The following CAMK2G variants were observed in gnomAD, a reference collection of about 807,000 sequenced individuals.
CAMK2G encodes the protein calcium/calmodulin-dependent protein kinase type II subunit gamma.
CAMK2G carries 23 observed loss-of-function variants against 88.7 expected under a neutral mutation model. That is an observed-to-expected ratio of 0.26 (90% CI 0.19 to 0.37). The LOEUF is 0.37. CAMK2G is among the 10% of genes least tolerant of loss of function. CAMK2G has a pLI of 1.00. For missense variants in CAMK2G, 476 were observed against 780.8 expected (o/e 0.61, Z 4.65); for synonymous variants, 263 against 294.8 (o/e 0.89, Z 1.11).
At chr10:73,819,736 C>A (rs2087141419) in intron 18 of CAMK2G, 91 bp from the exon 19 acceptor site, 2 of 785,394 alleles carry the variant, frequency 2.5e-6, no homozygotes, top group African/African-American at 1.7e-5. Context: ...AGACAGGCCC[C>A]GAGCCCATGG....
chr10:73,825,157 A>G (rs1217170005), intron 16 of CAMK2G, 122 bp downstream of exon 16: 14 of 755,926 alleles, frequency 1.9e-5, no homozygotes, highest in Non-Finnish European at 3.4e-5. Context: ...CAAAGCAGTC[A>G]GTTCTATGGG....
At chr10:73,837,339 G>T (rs2093345505) in intron 14 of CAMK2G, 129 bp downstream of exon 14, 1 of 798,814 alleles carries the variant, frequency 1.3e-6, no homozygotes, top group Admixed American at 1.7e-5. Context: ...GAGCACAAAG[G>T]CATCTGGTTT....
chr10:73,821,090 G>T (rs896968223), intron 18 of CAMK2G, among the ~76,000 whole-genome samples: 4 of 152,054 alleles, frequency 2.6e-5, no homozygotes, highest in Admixed American at 2.6e-4. Context: ...GATTACAGGT[G>T]TGAGTCACCG....
chr10:73,854,801 TC>T (rs1369005814), intron 3 of CAMK2G, among the ~76,000 whole-genome samples: 2 of 152,138 alleles, frequency 1.3e-5, no homozygotes, highest in Non-Finnish European at 2.9e-5. Context: ...CCCCTTGTTC[TC>T]CTCCCTTGAT....
At chr10:73,826,749 G>A (rs538270924) in intron 15 of CAMK2G, among the ~76,000 whole-genome samples, 5 of 152,268 alleles carry the variant, frequency 3.3e-5, no homozygotes, top group African/African-American at 1.2e-4. Context: ...TTCTCTCCTA[G>A]GACATACACA....
intron 14 of CAMK2G, chr10:73,837,234 G>T: frequency 1.7e-6 from 1 of 574,100 alleles, no homozygotes; most frequent in Non-Finnish European, 3.1e-6. Flanking sequence ...TATAAACTAT[G>T]ATTTGGATCA....
chr10:73,817,825 G>A, intron 19 of CAMK2G: 1 of 521,114 alleles, frequency 1.9e-6, no homozygotes, highest in Non-Finnish European at 3.5e-6. Flanking sequence ...CAACCAGGTT[G>A]CAGAAAACAC....
chr10:73,873,210 C>T, intron 1 of CAMK2G, 127 bp from the exon 2 acceptor site: 2 of 952,456 alleles, frequency 2.1e-6, no homozygotes, highest in South Asian at 1.4e-5. Flanking sequence ...CATGCACACA[C>T]ACCGGCGCTG....
intron 14 of CAMK2G, among the ~76,000 whole-genome samples, chr10:73,830,927 G>A (rs901247646): frequency 6.6e-6 from 1 of 152,226 alleles, no homozygotes; most frequent in African/African-American, 2.4e-5. Flanking sequence ...GAGGAAGGGG[G>A]AGTTGGGAAG....
rs1268660455 is a variant in CAMK2G, at chr10:73,812,518, T to C, written c.*2000A>G. The C allele has an allele frequency of 6.6e-6, 1 of 152,620 alleles. No individual in the cohort carries two copies. Among genetic ancestry groups the C allele is most frequent in the Non-Finnish European group, 1.5e-5 (1 of 68,046 alleles). The allele number at this position is 152,620 out of a possible 1,614,324, so 9.5% of individuals were successfully genotyped here. ...ACACAATGGACTGTTTAAAGGTTAT[T>C]TTATTAAATATTTTCAGTTCAAGGT... On this transcript the variant is annotated 3_prime_UTR_variant, in exon 23 of 23. Coordinates refer to ENST00000423381, the MANE Select transcript of CAMK2G (RefSeq NM_001367534.1).
Position 73,873,091 on chromosome 10 carries a change from G to A in CAMK2G, c.66-8C>T. 6.3e-7 allele frequency: 1 copy of A among 1,593,782 alleles called. No individual in the cohort carries two copies. Among genetic ancestry groups the A allele is most frequent in the South Asian group, 1.1e-5 (1 of 90,722 alleles). Reference sequence around the variant, plus strand: ...ACCACAGAGAAAGCACCCCTGGAGGGAGAAGGGGAAAAGAACTGGGACACG... The same window carrying A: ...ACCACAGAGAAAGCACCCCTGGAGGAAGAAGGGGAAAAGAACTGGGACACG... On this transcript the variant is annotated splice_polypyrimidine_tract_variant and splice_region_variant and intron_variant, in intron 1 of 22. Transcript: ENST00000423381.
intron 21 of CAMK2G, 196 bp downstream of exon 21, chr10:73,816,827 G>T: frequency 6.4e-7 from 1 of 1,551,202 alleles, no homozygotes; most frequent in Non-Finnish European, 8.7e-7. Flanking sequence ...ATGGCACTTG[G>T]AGCTCAGGAG....
chr10:73,852,863 AT>A, intron 4 of CAMK2G: 1 of 321,550 alleles, frequency 3.1e-6, no homozygotes, highest in Non-Finnish European at 5.7e-6. Flanking sequence ...ATTTCTCAGG[AT>A]TTTTAAGGTC....
intron 2 of CAMK2G, among the ~76,000 whole-genome samples, chr10:73,870,905 C>T (rs1349638930): frequency 6.6e-6 from 1 of 152,198 alleles, no homozygotes; most frequent in East Asian, 1.9e-4. Context: ...CATGCCCACA[C>T]CTATAGTCCA....
chr10:73,819,321 C>G (rs1415086564), intron 19 of CAMK2G, among the ~76,000 whole-genome samples: 1 of 152,104 alleles, frequency 6.6e-6, no homozygotes, highest in Non-Finnish European at 1.5e-5. Flanking sequence ...TCCACCCACA[C>G]TTCTCATATT....
Position 73,835,482 on chromosome 10 carries a change from A to G in CAMK2G, c.1053+1986T>C, listed in dbSNP as rs2093088917. Reference sequence around the variant, plus strand: ...CAGTTAATTTTTTTTTTTTTTTTTCACAGACAAGGTTTTGCCCAGGCTGGT... The same window carrying G: ...CAGTTAATTTTTTTTTTTTTTTTTCGCAGACAAGGTTTTGCCCAGGCTGGT... On this transcript the variant is annotated intron_variant, in intron 14 of 22. Coordinates refer to ENST00000423381, the MANE Select transcript of CAMK2G (RefSeq NM_001367534.1). 2.1e-5 allele frequency among the ~76,000 whole-genome samples: 3 copies of G among 146,122 alleles called. 1 individual carries two copies. The highest frequency in any genetic ancestry group is 7.6e-5 in the African/African-American group (3 of 39,424).
chr10:73,819,713 G>A (rs2087124561), intron 18 of CAMK2G, 68 bp from the exon 19 acceptor site: 1 of 1,003,778 alleles, frequency 1.0e-6, no homozygotes, highest in South Asian at 1.6e-5. Flanking sequence ...CAAGGCAGGT[G>A]AGCGAGCAAG....
intron 2 of CAMK2G, among the ~76,000 whole-genome samples, chr10:73,868,705 C>T (rs1419832044): frequency 6.6e-6 from 1 of 152,110 alleles, no homozygotes; most frequent in East Asian, 1.9e-4. Flanking sequence ...TTCTCTTTCC[C>T]TCACTTCACC....
intron 15 of CAMK2G, among the ~76,000 whole-genome samples, chr10:73,826,264 C>T (rs1026931057): frequency 2.0e-5 from 3 of 152,204 alleles, no homozygotes; most frequent in Middle Eastern, 3.2e-3. Context: ...GAAACCCCGT[C>T]TCTACTAAAA....
Sources: allele counts gnomAD v4.1 joint callset (sites outside exome capture counted in the v4.1 genomes callset), GRCh38; gene constraint gnomAD v4.1.1; transcripts MANE v1.5; gene names NCBI Gene and HGNC (gene_info 2026-07-23, HGNC 2026-07-21).